The following PCDH9 variants were observed in gnomAD, a reference collection of about 807,000 sequenced individuals.
The protein encoded by PCDH9 is protocadherin-9.
In PCDH9, 24 loss-of-function variants were observed where a neutral mutation model predicts 70.6. The ratio of observed to expected loss-of-function variants is 0.34; its 90% CI spans 0.25 to 0.48. The LOEUF is 0.48. Among genes scored for constraint, PCDH9 ranks in the 20% least tolerant of loss-of-function variants. The pLI, the probability that PCDH9 is intolerant of heterozygous loss-of-function variation, is 0.99. For missense variants in PCDH9, 1,281 were observed against 1,503.6 expected (o/e 0.85, Z 2.45); for synonymous variants, 562 against 558.5 (o/e 1.01, Z -0.09).
chr13:66,589,588 C>A (rs993080709), intron 4 of PCDH9, among the ~76,000 whole-genome samples: 3 of 151,968 alleles, frequency 2.0e-5, no homozygotes, highest in Non-Finnish European at 4.4e-5. Context: ...TATAAGATGG[C>A]ATAACTTGAA....
chr13:66,531,326 AAC>A (rs1960444610), intron 4 of PCDH9, among the ~76,000 whole-genome samples: 1 of 152,106 alleles, frequency 6.6e-6, no homozygotes, highest in African/African-American at 2.4e-5. Context: ...ACAAGAAAAC[AAC>A]AGTCTTTATC....
chr13:66,958,125 C>T (rs948034389), intron 2 of PCDH9, among the ~76,000 whole-genome samples: 1 of 152,168 alleles, frequency 6.6e-6, no homozygotes, highest in South Asian at 2.1e-4. Flanking sequence ...AATTTGAGGG[C>T]AGAAGAAATG....
chr13:66,738,442 C>T (rs1296922967), intron 3 of PCDH9, among the ~76,000 whole-genome samples: 8 of 150,788 alleles, frequency 5.3e-5, no homozygotes, highest in African/African-American at 1.7e-4. Flanking sequence ...CGCCTCTCCT[C>T]CTCCAAAGGA....
At chr13:66,492,274 G>A (rs893157371) in intron 4 of PCDH9, among the ~76,000 whole-genome samples, 1 of 151,680 alleles carries the variant, frequency 6.6e-6, no homozygotes, top group Non-Finnish European at 1.5e-5. Flanking sequence ...GAGATAATAA[G>A]GTTCCTGAGT....
intron 4 of PCDH9, among the ~76,000 whole-genome samples, chr13:66,489,566 C>T (rs1959000365): frequency 6.6e-6 from 1 of 152,168 alleles, no homozygotes; most frequent in Admixed American, 6.5e-5. Context: ...CCTGCTTCAG[C>T]TTCTTAAAAT....
chr13:66,895,872 C>A (rs946754354), intron 3 of PCDH9, among the ~76,000 whole-genome samples: 1 of 152,160 alleles, frequency 6.6e-6, no homozygotes, highest in Non-Finnish European at 1.5e-5. Flanking sequence ...GCTCATCCCC[C>A]CTCTCTTTGT....
chr13:66,825,399 C>T (rs1342382556), intron 3 of PCDH9, among the ~76,000 whole-genome samples: 5 of 137,094 alleles, frequency 3.6e-5, no homozygotes, highest in South Asian at 2.3e-4. Flanking sequence ...TGCAGTGGCG[C>T]GATCTCGACT....
At chr13:66,442,313 C>T (rs1051965755) in intron 4 of PCDH9, among the ~76,000 whole-genome samples, 1 of 152,062 alleles carries the variant, frequency 6.6e-6, no homozygotes, top group African/African-American at 2.4e-5. Flanking sequence ...GAGAGAACAG[C>T]GATGAAATCA....
chr13:66,480,052 G>A (rs946544115), intron 4 of PCDH9, among the ~76,000 whole-genome samples: 5 of 152,162 alleles, frequency 3.3e-5, no homozygotes, highest in African/African-American at 1.2e-4. Context: ...AAGGTCCACA[G>A]CTTCATTCTT....
chr13:66,943,078 C>T (rs1449934013), intron 2 of PCDH9, among the ~76,000 whole-genome samples: 1 of 152,038 alleles, frequency 6.6e-6, no homozygotes, highest in Non-Finnish European at 1.5e-5. Flanking sequence ...TTTTCTCATA[C>T]TGTTACATAG....
intron 4 of PCDH9, among the ~76,000 whole-genome samples, chr13:66,552,364 T>C (rs1051345435): frequency 5.3e-5 from 8 of 152,140 alleles, no homozygotes; most frequent in Non-Finnish European, 1.2e-4. Flanking sequence ...AGGCGCGATA[T>C]TTGCATGTCT....
chr13:66,989,405 C>A (rs889072042), intron 2 of PCDH9, among the ~76,000 whole-genome samples: 2 of 151,908 alleles, frequency 1.3e-5, no homozygotes, highest in African/African-American at 4.8e-5. Flanking sequence ...ATTAAATGTA[C>A]TAAAATTTAA....
At chr13:66,810,071 T>G (rs76434837) in intron 3 of PCDH9, among the ~76,000 whole-genome samples, 1 of 152,168 alleles carries the variant, frequency 6.6e-6, no homozygotes, top group Non-Finnish European at 1.5e-5. Flanking sequence ...TGTATGTTTG[T>G]GGAATTATAC....
chr13:67,075,544 T>C (rs1398351394), intron 2 of PCDH9, among the ~76,000 whole-genome samples: 1 of 152,092 alleles, frequency 6.6e-6, no homozygotes, highest in Non-Finnish European at 1.5e-5. Flanking sequence ...TGATGGGTTT[T>C]TTTTCTTAAT....
chr13:66,535,141 T>A (rs1960643638), intron 4 of PCDH9, among the ~76,000 whole-genome samples: 1 of 151,956 alleles, frequency 6.6e-6, no homozygotes, highest in South Asian at 2.1e-4. Context: ...ATGATAATAA[T>A]AATAAAGTAA....
At chr13:66,923,630 A>C (rs2082672652) in intron 2 of PCDH9, among the ~76,000 whole-genome samples, 1 of 151,626 alleles carries the variant, frequency 6.6e-6, no homozygotes, top group South Asian at 2.1e-4. Flanking sequence ...ACAACCACCA[A>C]CGTCTTAATT....
intron 3 of PCDH9, among the ~76,000 whole-genome samples, chr13:66,857,975 T>C (rs913537728): frequency 6.6e-6 from 1 of 152,120 alleles, no homozygotes; most frequent in Non-Finnish European, 1.5e-5. Flanking sequence ...TTGCGCCTAA[T>C]AACCCAGGAA....
chr13:66,358,243 A>G (rs1165429080), intron 4 of PCDH9, among the ~76,000 whole-genome samples: 1 of 151,994 alleles, frequency 6.6e-6, no homozygotes, highest in East Asian at 1.9e-4. Flanking sequence ...TCAGTTTTAT[A>G]AAATATTAAA....
chr13:66,588,256 G>T (rs1049069991), intron 4 of PCDH9, among the ~76,000 whole-genome samples: 5 of 151,870 alleles, frequency 3.3e-5, no homozygotes, highest in Non-Finnish European at 7.4e-5. Context: ...TAGAGCTCCA[G>T]ATTTACCCAA....
Sources: allele counts gnomAD v4.1 joint callset (sites outside exome capture counted in the v4.1 genomes callset), GRCh38; gene constraint gnomAD v4.1.1; transcripts MANE v1.5; gene names NCBI Gene and HGNC (gene_info 2026-07-23, HGNC 2026-07-21).